The following BRINP3 variants were observed in gnomAD, a reference collection of about 807,000 sequenced individuals.
The protein encoded by BRINP3 is BMP/retinoic acid inducible neural specific 3.
Under a neutral mutation model 71.0 loss-of-function variants are expected in BRINP3, and 19 were observed. That is an observed-to-expected ratio of 0.27 (90% CI 0.19 to 0.39). BRINP3 has a LOEUF of 0.39. Among genes scored for constraint, BRINP3 ranks in the 10% least tolerant of loss-of-function variants. The probability of loss-of-function intolerance (pLI) is 1.00; values close to 1 mark genes in which losing one functional copy is unlikely to be tolerated. For synonymous variants in BRINP3, 380 were observed against 337.7 expected, an observed-to-expected ratio of 1.13 and a Z score of -1.37; for missense variants, 959 against 940.8, an observed-to-expected ratio of 1.02 and a Z score of -0.25.
intron 2 of BRINP3, among the ~76,000 whole-genome samples, chr1:190,429,775 G>C (rs1439095655): frequency 6.6e-6 from 1 of 151,676 alleles, no homozygotes; most frequent in Non-Finnish European, 1.5e-5. Flanking sequence ...ATTTTTAGTC[G>C]AGACAGTTTC....
At chr1:190,252,719 T>C (rs939166724) in intron 4 of BRINP3, among the ~76,000 whole-genome samples, 2 of 152,064 alleles carry the variant, frequency 1.3e-5, no homozygotes, top group African/African-American at 4.8e-5. Flanking sequence ...AAACTACTTC[T>C]GTAATAAAAT....
chr1:190,163,728 C>A (rs1177682456), intron 6 of BRINP3, among the ~76,000 whole-genome samples: 7 of 152,006 alleles, frequency 4.6e-5, no homozygotes, highest in Admixed American at 4.6e-4. Context: ...ACTCTCTGGA[C>A]TACTACTACT....
At chr1:190,206,569 A>G (rs1655520274) in intron 6 of BRINP3, among the ~76,000 whole-genome samples, 1 of 152,136 alleles carries the variant, frequency 6.6e-6, no homozygotes, top group Non-Finnish European at 1.5e-5. Flanking sequence ...TGTTCCTCAC[A>G]ACTCGATATT....
chr1:190,187,620 A>G (rs1000390680), intron 6 of BRINP3, among the ~76,000 whole-genome samples: 1 of 152,154 alleles, frequency 6.6e-6, no homozygotes, highest in Non-Finnish European at 1.5e-5. Flanking sequence ...TCCCAACACT[A>G]TTTATTGAAG....
intron 2 of BRINP3, among the ~76,000 whole-genome samples, chr1:190,445,064 T>G (rs898616465): frequency 6.6e-6 from 1 of 152,112 alleles, no homozygotes; most frequent in African/African-American, 2.4e-5. Context: ...TATTGGAAAA[T>G]TATTATATCC....
At position 190,102,653 on chromosome 1, in the gene BRINP3, G is replaced by A. The variant is rs150101029; in HGVS notation, c.1185-3519C>T. 7.9e-3 allele frequency among the ~76,000 whole-genome samples: 1,196 copies of A among 152,084 alleles called. 10 individuals carry two copies. The highest frequency in any genetic ancestry group is 0.02 in the Middle Eastern group (6 of 294). On this transcript the variant is annotated intron_variant, in intron 7 of 7. Transcript: ENST00000367462. ...GACAGAGAGAAACTAAGGAAAGGGA[G>A]GGGATAAATACATTATAGTGAAGGA...
chr1:190,150,772 A>G (rs947719419), intron 7 of BRINP3, among the ~76,000 whole-genome samples: 1 of 152,206 alleles, frequency 6.6e-6, no homozygotes, highest in Non-Finnish European at 1.5e-5. Context: ...ATGCACGATT[A>G]TATTTTTAAA....
chr1:190,365,446 T>C (rs941013634), intron 2 of BRINP3, among the ~76,000 whole-genome samples: 1 of 151,316 alleles, frequency 6.6e-6, no homozygotes, highest in African/African-American at 2.4e-5. Context: ...CTTACATTTC[T>C]TCATGGGAGA....
chr1:190,238,452 CA>C (rs1658735217), intron 4 of BRINP3, among the ~76,000 whole-genome samples: 1 of 151,836 alleles, frequency 6.6e-6, no homozygotes, highest in Admixed American at 6.6e-5. Flanking sequence ...ATAAATTCTA[CA>C]AACTAACAAT....
intron 2 of BRINP3, among the ~76,000 whole-genome samples, chr1:190,399,156 ACT>A (rs1178423473): frequency 1.3e-5 from 2 of 151,854 alleles, no homozygotes; most frequent in Non-Finnish European, 2.9e-5. Context: ...ATTCTATAAC[ACT>A]CTTAATACAT....
intron 2 of BRINP3, among the ~76,000 whole-genome samples, chr1:190,391,699 T>C (rs1381806839): frequency 6.6e-6 from 1 of 151,636 alleles, no homozygotes; most frequent in Non-Finnish European, 1.5e-5. Flanking sequence ...CTTCCTGTGG[T>C]GATCTAAATG....
At chr1:190,138,900 T>A (rs1655192993) in intron 7 of BRINP3, among the ~76,000 whole-genome samples, 1 of 152,026 alleles carries the variant, frequency 6.6e-6, no homozygotes, top group African/African-American at 2.4e-5. Context: ...TACATCTCAA[T>A]GGCGGCAGCA....
intron 2 of BRINP3, among the ~76,000 whole-genome samples, chr1:190,377,563 A>G: frequency 6.7e-6 from 1 of 148,766 alleles, no homozygotes; most frequent in Middle Eastern, 3.6e-3. Flanking sequence ...ATATATATAT[A>G]TATGTAATCT....
intron 4 of BRINP3, among the ~76,000 whole-genome samples, chr1:190,261,157 C>A (rs1008846849): frequency 6.6e-6 from 1 of 151,852 alleles, no homozygotes; most frequent in Admixed American, 6.6e-5. Context: ...TCAAAATATA[C>A]AATGTATTGT....
chr1:190,166,680 G>A (rs1558028123), intron 6 of BRINP3, among the ~76,000 whole-genome samples: 1 of 152,062 alleles, frequency 6.6e-6, no homozygotes, highest in Non-Finnish European at 1.5e-5. Flanking sequence ...TCCATATGGT[G>A]TTGTTCATTG....
intron 2 of BRINP3, among the ~76,000 whole-genome samples, chr1:190,298,456 G>GT (rs1430750660): frequency 5.3e-5 from 8 of 151,546 alleles, no homozygotes; most frequent in East Asian, 3.9e-4. Context: ...CTACATGAAA[G>GT]TTTTTTGTGC....
intron 3 of BRINP3, among the ~76,000 whole-genome samples, chr1:190,278,940 T>G (rs1019676950): frequency 2.0e-5 from 3 of 151,632 alleles, no homozygotes; most frequent in Non-Finnish European, 3.0e-5. Context: ...GTAAAACAAT[T>G]AAATTTAAAA....
At chr1:190,311,674 T>C (rs1665529941) in intron 2 of BRINP3, among the ~76,000 whole-genome samples, 1 of 151,328 alleles carries the variant, frequency 6.6e-6, no homozygotes, top group African/African-American at 2.4e-5. Flanking sequence ...GTTTATATCA[T>C]CACAGTGTTA....
rs1320671438 is a variant in BRINP3 at position 190,148,644 on chromosome 1, TA to T, written c.1184+12023del. Among the ~76,000 whole-genome samples, 4 of 149,128 alleles carry T rather than the reference TA, an allele frequency of 2.7e-5. No homozygotes were observed. In the South Asian group the frequency reaches 6.3e-4, roughly 23 times the overall value. On this transcript the variant is annotated intron_variant, in intron 7 of 7. Transcript: ENST00000367462. The stretch of plus-strand genomic sequence containing the variant: ...ATAAATAAATAAATAAATAAATAAA[TA>T]AATAAATTCTATCTCCTCATTCTTT...
Sources: allele counts gnomAD v4.1 joint callset (sites outside exome capture counted in the v4.1 genomes callset), GRCh38; gene constraint gnomAD v4.1.1; transcripts MANE v1.5; gene names NCBI Gene and HGNC (gene_info 2026-07-23, HGNC 2026-07-21).